The following CSMD3 variants were observed in gnomAD, a reference collection of about 807,000 sequenced individuals.
The protein encoded by CSMD3 is CUB and sushi domain-containing protein 3.
In CSMD3, 177 loss-of-function variants were observed where a neutral mutation model predicts 435.2. That is an observed-to-expected ratio of 0.41 (90% CI 0.36 to 0.46). The LOEUF (loss-of-function observed/expected upper bound fraction) is 0.46, where lower values mean the gene tolerates loss of function less well. CSMD3 is among the 20% of genes least tolerant of loss of function. The probability of loss-of-function intolerance (pLI) is 0.34; values close to 1 mark genes in which losing one functional copy is unlikely to be tolerated. For missense variants in CSMD3, 4,265 were observed against 4,504.6 expected (o/e 0.95, Z 1.52); for synonymous variants, 1,656 against 1,520.5 (o/e 1.09, Z -2.07).
chr8:112,986,789 G>T (rs973433226), intron 6 of CSMD3, among the ~76,000 whole-genome samples: 2 of 151,894 alleles, frequency 1.3e-5, no homozygotes, highest in African/African-American at 4.8e-5. Context: ...AACAAAAACT[G>T]AATATTTACC....
intron 10 of CSMD3, among the ~76,000 whole-genome samples, chr8:112,869,371 T>A (rs1394239053): frequency 6.6e-6 from 1 of 152,202 alleles, no homozygotes; most frequent in Non-Finnish European, 1.5e-5. Context: ...CAGGAATCTA[T>A]GACCCCAAAA....
At chr8:112,885,330 T>C (rs2081558854) in intron 10 of CSMD3, among the ~76,000 whole-genome samples, 2 of 149,234 alleles carry the variant, frequency 1.3e-5, no homozygotes, top group Non-Finnish European at 1.5e-5. Flanking sequence ...GCAATAGTCA[T>C]AGAGTTGGCT....
intron 3 of CSMD3, among the ~76,000 whole-genome samples, chr8:113,197,197 G>C (rs2092666980): frequency 6.6e-6 from 1 of 151,156 alleles, no homozygotes; most frequent in African/African-American, 2.4e-5. Flanking sequence ...GATGCTACAA[G>C]TGGGACATTC....
intron 3 of CSMD3, among the ~76,000 whole-genome samples, chr8:113,254,899 T>C (rs2093366822): frequency 6.6e-6 from 1 of 152,194 alleles, no homozygotes; most frequent in African/African-American, 2.4e-5. Flanking sequence ...CATTCAGTTA[T>C]TTATCTAAGT....
intron 3 of CSMD3, among the ~76,000 whole-genome samples, chr8:113,230,119 TTTAAG>T (rs1421248555): frequency 6.7e-6 from 1 of 150,030 alleles, no homozygotes; most frequent in African/African-American, 2.5e-5. Flanking sequence ...TTTCTGATGT[TTTAAG>T]TTAATACATG....
intron 12 of CSMD3, among the ~76,000 whole-genome samples, chr8:112,804,584 G>A (rs1181379925): frequency 6.6e-6 from 1 of 152,072 alleles, no homozygotes; most frequent in Non-Finnish European, 1.5e-5. Context: ...ACAGATTGAG[G>A]GGATCTCAGA....
chr8:112,860,752 G>A (rs74548504), intron 10 of CSMD3, among the ~76,000 whole-genome samples: 1,551 of 151,768 alleles, frequency 0.01, 24 homozygotes, highest in East Asian at 0.042. Context: ...CTGATTATTC[G>A]CATGTGTTTT....
chr8:113,221,014 A>G (rs1161558391), intron 3 of CSMD3, among the ~76,000 whole-genome samples: 1 of 151,412 alleles, frequency 6.6e-6, no homozygotes, highest in Non-Finnish European at 1.5e-5. Flanking sequence ...TATGTTCTTC[A>G]GAAATATCAA....
In CSMD3 at chr8:112,380,412, A is replaced by G; in HGVS notation, c.6076T>C (p.Tyr2026His). ...CTGATGTCTGATTGAAAATTTAGAT[A>G]CAGATTATTAGACGTACTATTCAAA... ...HLLNSTSNNL[Y>H]LNFQSDISVS... The change falls in exon 38 of 71, where the codon TAT (tyrosine) becomes CAT (histidine). Residue 2026 changes from tyrosine to histidine, a missense_variant. Physicochemically the swap from Tyr to His is moderately conservative, Grantham distance 83. Around this residue, in one of 3 missense-constraint regions of CSMD3, gnomAD observed 3,255 missense variants for 3,380.2 expected, o/e 0.96. Transcript: ENST00000297405. 1 of 1,603,044 alleles carries G rather than the reference A, an allele frequency of 6.2e-7. No individual in the cohort carries two copies. Among genetic ancestry groups the G allele is most frequent in the African/African-American group, 1.3e-5 (1 of 74,780 alleles).
chr8:112,411,899 T>C (rs1047246833), intron 32 of CSMD3, among the ~76,000 whole-genome samples: 1 of 152,134 alleles, frequency 6.6e-6, no homozygotes, highest in Non-Finnish European at 1.5e-5. Flanking sequence ...TACTGGTTAT[T>C]GTTTTTTTGA....
chr8:113,004,905 G>T lies in CSMD3; in HGVS notation c.1030+14162C>A, dbSNP rs148930814. On this transcript the variant is annotated intron_variant, in intron 6 of 70. Coordinates refer to ENST00000297405, the MANE Select transcript of CSMD3 (RefSeq NM_198123.2). Reference sequence around the variant, plus strand: ...AATAATGGTATCACCTAATTTGTGCGCTGCTTGTATTTCTATGGATAAATA... The same window carrying T: ...AATAATGGTATCACCTAATTTGTGCTCTGCTTGTATTTCTATGGATAAATA... Among the ~76,000 whole-genome samples the T allele has an allele frequency of 3.8e-4, 58 of 151,596 alleles. 1 individual carries two copies. Among genetic ancestry groups the T allele is most frequent in the Admixed American group, 1.1e-3 (16 of 15,156 alleles).
At chr8:112,230,118 G>C (rs549166367) in intron 69 of CSMD3, among the ~76,000 whole-genome samples, 7 of 152,270 alleles carry the variant, frequency 4.6e-5, no homozygotes, top group African/African-American at 1.4e-4. Context: ...ATTTGCACAG[G>C]AATGAGGGAA....
chr8:112,439,940 C>T (rs1814810312), intron 32 of CSMD3, among the ~76,000 whole-genome samples: 1 of 151,986 alleles, frequency 6.6e-6, no homozygotes, highest in Non-Finnish European at 1.5e-5. Flanking sequence ...AAAGCCAGAC[C>T]ATATCATTCA....
chr8:112,687,195 C>T (rs1172812864), intron 14 of CSMD3, among the ~76,000 whole-genome samples: 5 of 151,766 alleles, frequency 3.3e-5, no homozygotes, highest in Non-Finnish European at 4.4e-5. Flanking sequence ...AATACAACAC[C>T]CGTAACAGTA....
rs751672797 is a variant in CSMD3, at chr8:112,254,332, A to G, written c.10037-6T>C. On this transcript the variant is annotated splice_polypyrimidine_tract_variant and splice_region_variant and intron_variant, in intron 62 of 70. Transcript: ENST00000297405. ...ACAAGAGGTTTGGGTAGGCTCTAAA[A>G]TGAAGATTAAAAAGATATTAGTCCT... The G allele has an allele frequency of 1.2e-6, 2 of 1,602,286 alleles. No individual in the cohort carries two copies. Among genetic ancestry groups the G allele is most frequent in the South Asian group, 1.1e-5 (1 of 90,870 alleles).
chr8:112,511,643 G>C (rs1823152019), intron 28 of CSMD3, among the ~76,000 whole-genome samples: 1 of 152,126 alleles, frequency 6.6e-6, no homozygotes, highest in East Asian at 1.9e-4. Context: ...GCTCGTCTCG[G>C]CCTCCCAAAG....
In CSMD3 at chr8:112,337,644, G is replaced by A. The variant is rs2130966224; in HGVS notation, c.6740C>T (p.Ser2247Leu). The A allele has an allele frequency of 1.2e-6, 2 of 1,613,228 alleles. No individual in the cohort carries two copies. The highest frequency in any genetic ancestry group is 1.7e-6 in the Non-Finnish European group (2 of 1,179,266). ...TGTGTATCCTGGGAAACATTCAAAT[G>A]AAATGGTTTGACCCACAGTAAAATC... The part of the protein sequence containing the change: ...GNDFTVGQTI[S>L]FECFPGYTLI... Residue 2247 changes from serine to leucine, a missense_variant, in exon 43 of 71, where the codon TCA (serine) becomes TTA (leucine). Transcript: ENST00000297405.
At chr8:112,508,574 C>T (rs745493910) in intron 28 of CSMD3, among the ~76,000 whole-genome samples, 1 of 152,258 alleles carries the variant, frequency 6.6e-6, no homozygotes, top group East Asian at 1.9e-4. Flanking sequence ...ACAACATTCT[C>T]TCATCTACTA....
intron 7 of CSMD3, among the ~76,000 whole-genome samples, chr8:112,957,880 G>A (rs995632450): frequency 2.0e-5 from 3 of 151,876 alleles, no homozygotes; most frequent in African/African-American, 7.3e-5. Flanking sequence ...CAAGTAGCTG[G>A]GGTTACAAGC....
Sources: allele counts gnomAD v4.1 joint callset (sites outside exome capture counted in the v4.1 genomes callset), GRCh38; gene constraint gnomAD v4.1.1; regional missense constraint gnomAD v4.1.1; transcripts MANE v1.5; gene names NCBI Gene and HGNC (gene_info 2026-07-23, HGNC 2026-07-21).